Variants in SPATA7 observed in about 807,000 individuals in gnomAD.
SPATA7 encodes the protein spermatogenesis-associated protein 7.
SPATA7 carries 43 observed loss-of-function variants against 51.8 expected under a neutral mutation model. The observed-to-expected ratio is 0.83, with a 90% confidence interval of 0.65 to 1.07. SPATA7 has a LOEUF of 1.07. SPATA7 is among the 50% of genes least tolerant of loss of function. The pLI is 0.00. For missense variants in SPATA7, 683 were observed against 701.3 expected (o/e 0.97, Z 0.30); for synonymous variants, 230 against 252.8 (o/e 0.91, Z 0.86).
intron 1 of SPATA7, among the ~76,000 whole-genome samples, chr14:88,389,536 CT>C (rs1166015829): frequency 6.6e-6 from 1 of 152,146 alleles, no homozygotes; most frequent in Non-Finnish European, 1.5e-5. Context: ...TGACATGTAT[CT>C]ATAGGAATAT....
rs1216103197 is a variant in SPATA7 at position 88,429,424 on chromosome 14, A to G, written c.989A>G (p.Asp330Gly). 6.2e-7 allele frequency: 1 copy of G among 1,612,810 alleles called. No homozygotes were observed. Among genetic ancestry groups the G allele is most frequent in the Non-Finnish European group, 8.5e-7 (1 of 1,179,070 alleles). ...TTAGAAGGGCATGACTCAACATGGG[A>G]TGAGATTAAGGATGATGCTCTTCAG... ...LPLEGHDSTW[D>G]EIKDDALQHS... The change falls in exon 8 of 12, where the codon GAT becomes GGT. Residue 330 changes from aspartate to glycine, a missense_variant. By Grantham distance (94) the Asp-to-Gly change is moderately conservative. Transcript: ENST00000393545.
At chr14:88,453,571 A>T (rs1302312000) in intron 3 of SPATA7, among the ~76,000 whole-genome samples, 1 of 152,176 alleles carries the variant, frequency 6.6e-6, no homozygotes, top group African/African-American at 2.4e-5. Flanking sequence ...CCTCACGGGG[A>T]TGAAGGGCCT....
At position 88,437,897 on chromosome 14, in the gene SPATA7, A is replaced by G. The variant is rs200014426; in HGVS notation, c.1275A>G (p.Glu425=). The part of the protein sequence containing the change: ...LKVDLGCTSE[E]NSVKQNDVDM... Reference sequence around the variant, plus strand: ...TAGACTTAGGCTGCACATCGGAGGAAAACTCGGTAAAGCAAAATGATGTTG... The same window carrying G: ...TAGACTTAGGCTGCACATCGGAGGAGAACTCGGTAAAGCAAAATGATGTTG... The change falls in exon 12 of 12, where the codon GAA becomes GAG. Residue 425 remains glutamate (E), a synonymous_variant. Transcript: ENST00000393545. 6.2e-7 allele frequency: 1 copy of G among 1,611,136 alleles called. No homozygotes were observed. The highest frequency in any genetic ancestry group is 8.5e-7 in the Non-Finnish European group (1 of 1,178,494).
intron 4 of SPATA7, among the ~76,000 whole-genome samples, chr14:88,415,596 A>G (rs571169678): frequency 1.3e-5 from 2 of 152,122 alleles, no homozygotes; most frequent in East Asian, 3.9e-4. Flanking sequence ...GACCACTTAC[A>G]TTCAAGGTTA....
Position 88,385,664 on chromosome 14 carries a change from C to T in SPATA7, c.-155C>T, listed in dbSNP as rs2075546249. The T allele has an allele frequency of 2.6e-6, 2 of 758,930 alleles. No individual in the cohort carries two copies. The highest frequency in any genetic ancestry group is 4.6e-6 in the Non-Finnish European group (2 of 434,986). The allele number at this position is 758,930 out of a possible 1,614,324, so 47.0% of individuals were successfully genotyped here. On this transcript the variant is annotated 5_prime_UTR_variant, in exon 1 of 12. Coordinates refer to ENST00000393545, the MANE Select transcript of SPATA7 (RefSeq NM_018418.5). ...ACGTCACAATAGCGACTCACTGGAC[C>T]CAGCCCTTAGCAACGGCCTGGCAAC...
downstream of SPATA7, among the ~76,000 whole-genome samples, chr14:88,440,586 C>T (rs2077171819): frequency 6.6e-6 from 1 of 152,060 alleles, no homozygotes; most frequent in South Asian, 2.1e-4. Context: ...TATATCTTCC[C>T]CTCTTCCTTC....
At chr14:88,410,113 G>T (rs1256241813) in intron 4 of SPATA7, among the ~76,000 whole-genome samples, 1 of 152,116 alleles carries the variant, frequency 6.6e-6, no homozygotes, top group Non-Finnish European at 1.5e-5. Context: ...GGTCTGCTTG[G>T]TCCAGAACTG....
At chr14:88,397,753 CA>C (rs1408365073) in intron 4 of SPATA7, among the ~76,000 whole-genome samples, 2 of 151,906 alleles carry the variant, frequency 1.3e-5, no homozygotes, top group East Asian at 3.9e-4. Context: ...ATCATCAGAC[CA>C]AAAATTTGAA....
intron 4 of SPATA7, among the ~76,000 whole-genome samples, chr14:88,405,630 T>G (rs770754278): frequency 1.3e-5 from 2 of 152,130 alleles, no homozygotes; most frequent in South Asian, 4.1e-4. Flanking sequence ...ACTTAGAACC[T>G]CTCAGCCAAA....
downstream of SPATA7, among the ~76,000 whole-genome samples, chr14:88,442,906 A>G (rs1435649907): frequency 6.7e-6 from 1 of 150,368 alleles, no homozygotes; most frequent in Non-Finnish European, 1.5e-5. Context: ...CTGTGAATTC[A>G]TCTGGTCCTG....
chr14:88,446,842 T>C (rs892073462), intron 3 of SPATA7, among the ~76,000 whole-genome samples: 1 of 152,006 alleles, frequency 6.6e-6, no homozygotes, highest in South Asian at 2.1e-4. Context: ...CACTGTGGTC[T>C]GAGAGATAGT....
In SPATA7 at chr14:88,431,220, C is replaced by G; in HGVS notation, c.1077C>G (p.Tyr359Ter). The G allele has an allele frequency of 6.2e-7, 1 of 1,613,082 alleles. No homozygotes were observed. Among genetic ancestry groups the G allele is most frequent in the Non-Finnish European group, 8.5e-7 (1 of 1,179,214 alleles). ...AGCCCCCTTCAACTCGTAAAATCTA[C>G]TCTGAGTAAGATCTTTTTTAAGTCT... is the stretch of plus-strand genomic sequence containing the variant. Reference protein sequence around the residue: ...SLKPPSTRKIYSDEEELLYLS... With the variant: ...SLKPPSTRKI The change falls in exon 9 of 12, where the codon TAC becomes TAG. Residue 359 changes from tyrosine to a stop codon, truncating the protein, a stop_gained. Transcript: ENST00000393545. LOFTEE classifies it high-confidence loss of function.
chr14:88,399,633 A>C (rs2076001757), intron 4 of SPATA7, among the ~76,000 whole-genome samples: 1 of 152,150 alleles, frequency 6.6e-6, no homozygotes. Flanking sequence ...GTAGCACAAA[A>C]CTGGTTCAGT....
chr14:88,469,941 G>A lies in SPATA7; in HGVS notation c.*74G>A, dbSNP rs765670524. On this transcript the variant is annotated 3_prime_UTR_variant, in exon 5 of 5. Coordinates refer to the SPATA7 transcript ENST00000556406. The surrounding 1 kb of genome is among the most constrained non-coding windows in gnomAD (Gnocchi z 4.3). ...ACCTACCTCTTCTGCTGTCACCATT[G>A]CTATAATTGCAATTCCCTGTTCCCA... 6.2e-7 allele frequency: 1 copy of A among 1,613,988 alleles called. No homozygotes were observed. The highest frequency in any genetic ancestry group is 1.1e-5 in the South Asian group (1 of 91,080).
intron 3 of SPATA7, among the ~76,000 whole-genome samples, chr14:88,445,093 A>G (rs964173183): frequency 4.6e-5 from 7 of 151,852 alleles, no homozygotes; most frequent in Admixed American, 1.3e-4. Context: ...CCATTTTCAC[A>G]ATATTGATTC....
intron 4 of SPATA7, chr14:88,468,316 G>A: frequency 6.7e-7 from 1 of 1,500,910 alleles, no homozygotes; most frequent in Non-Finnish European, 9.0e-7. Context: ...TGGGGAGACA[G>A]AAAGGATGGG....
chr14:88,416,564 A>G, intron 4 of SPATA7, 147 bp from the exon 5 acceptor site: 1 of 708,944 alleles, frequency 1.4e-6, no homozygotes, highest in East Asian at 2.8e-5. Flanking sequence ...ATGTGTTAGT[A>G]ACTCTTTATA....
chr14:88,406,801 C>T (rs2076213041), intron 4 of SPATA7: 2 of 152,142 alleles, frequency 1.3e-5, no homozygotes, highest in South Asian at 2.1e-4. Context: ...ATGTTCCCCT[C>T]CTGGTGTCCA....
chr14:88,435,568 C>T (rs1478945629), intron 10 of SPATA7, among the ~76,000 whole-genome samples: 4 of 152,274 alleles, frequency 2.6e-5, no homozygotes, highest in Non-Finnish European at 4.4e-5. Context: ...CCCACTTAAC[C>T]TGCAGCCCTC....
Sources: allele counts gnomAD v4.1 joint callset (sites outside exome capture counted in the v4.1 genomes callset), GRCh38; gene constraint gnomAD v4.1.1; non-coding constraint Gnocchi (gnomAD v3.1); transcripts MANE v1.5; gene names NCBI Gene and HGNC (gene_info 2026-07-23, HGNC 2026-07-21).